Variants in CBX2 observed in about 807,000 individuals in gnomAD.
The protein encoded by CBX2 is chromobox protein homolog 2.
A neutral mutation model predicts 21.0 loss-of-function variants in CBX2; 11 were observed. The observed-to-expected ratio is 0.52, with a 90% confidence interval of 0.33 to 0.87. CBX2 has a LOEUF of 0.87. CBX2 is among the 40% of genes least tolerant of loss of function. The pLI is 0.02. For synonymous variants in CBX2, 364 were observed against 304.6 expected, an observed-to-expected ratio of 1.19 and a Z score of -2.03; for missense variants, 746 against 724.3, an observed-to-expected ratio of 1.03 and a Z score of -0.34.
rs1351815805 is a variant in CBX2 at position 79,786,747 on chromosome 17, T to C, written c.*1705T>C. The C allele has an allele frequency of 2.0e-5, 3 of 152,642 alleles. No homozygotes were observed. The highest frequency in any genetic ancestry group is 7.2e-5 in the African/African-American group (3 of 41,440). The allele number at this position is 152,642 out of a possible 1,614,324, so 9.5% of individuals were successfully genotyped here. A position where few individuals can be genotyped will look rare whatever the true frequency, so the allele number is the denominator to read the frequency against. On this transcript the variant is annotated 3_prime_UTR_variant, in exon 5 of 5. Transcript: ENST00000310942. The stretch of plus-strand genomic sequence containing the variant: ...CTATAGGGAGGCACTCCTGATTCCA[T>C]GGAGCAGCCCGGACTTTGAGAATGG...
At chr17:79,777,905 G>C (rs1367851711), upstream of CBX2, among the ~76,000 whole-genome samples, 17 of 148,576 alleles carry the variant, frequency 1.1e-4, no homozygotes, top group Non-Finnish European at 2.4e-4. Flanking sequence ...CCCCAGCCAG[G>C]GGCCCGCCCG....
intron 4 of CBX2, chr17:79,782,242 G>A (rs1555830579): frequency 1.3e-6 from 2 of 1,578,192 alleles, no homozygotes; most frequent in Non-Finnish European, 1.7e-6. Context: ...AAATCGAGGT[G>A]GCCACGAAAG....
In CBX2 at chr17:79,784,705, C is replaced by T. The variant is rs1555831326; in HGVS notation, c.1262C>T (p.Pro421Leu). 1.2e-6 allele frequency: 2 copies of T among 1,611,582 alleles called. No homozygotes were observed. Among genetic ancestry groups the T allele is most frequent in the Non-Finnish European group, 1.7e-6 (2 of 1,179,534 alleles). ...AAGCTGGCTTCCAGAGCAGTGGCGC[C>T]ACCCACCCCTGCCAGCAAGAGGGAC... ...SEKLASRAVA[P>L]PTPASKRDCV... Residue 421 changes from proline to leucine, a missense_variant, in exon 5 of 5, where the codon CCA (proline) becomes CTA (leucine). This residue lies in a region of CBX2 where 701 missense variants were observed against 650.7 expected (regional missense o/e 1.08). Coordinates refer to ENST00000310942, the MANE Select transcript of CBX2 (RefSeq NM_005189.3). This position sits in a 1 kb window ranked among gnomAD's most constrained non-coding sequence, Gnocchi z 5.9.
rs1906994515 is a variant in CBX2, at chr17:79,779,427, A to T, written c.182A>T (p.Lys61Met). The T allele has an allele frequency of 6.2e-7, 1 of 1,610,058 alleles. No homozygotes were observed. The highest frequency in any genetic ancestry group is 1.4e-5 in the African/African-American group (1 of 73,690). Reference protein sequence around the residue: ...DPRLLLAFQKKEHEKEVQNRK... With the variant: ...DPRLLLAFQKMEHEKEVQNRK... Reference sequence around the variant, plus strand: ...AGGCTGCTCCTGGCCTTCCAGAAGAAGTGAGGACGCTGACAGCACTGGGGA... The same window carrying T: ...AGGCTGCTCCTGGCCTTCCAGAAGATGTGAGGACGCTGACAGCACTGGGGA... The change falls in exon 3 of 5, where the codon AAG (lysine) becomes ATG (methionine). Residue 61 changes from lysine to methionine, a missense_variant and splice_region_variant. This residue lies in a region of CBX2 where 701 missense variants were observed against 650.7 expected (regional missense o/e 1.08). Coordinates refer to ENST00000310942, the MANE Select transcript of CBX2 (RefSeq NM_005189.3).
intron 4 of CBX2, among the ~76,000 whole-genome samples, chr17:79,783,410 C>CTTT (rs67444092): frequency 7.1e-6 from 1 of 140,644 alleles, no homozygotes; most frequent in Non-Finnish European, 1.6e-5. Context: ...TCTCCTTTAT[C>CTTT]TTTTTTTTTT....
chr17:79,783,224 T>G (rs1907365720), intron 4 of CBX2, among the ~76,000 whole-genome samples: 1 of 152,168 alleles, frequency 6.6e-6, no homozygotes, highest in South Asian at 2.1e-4. Context: ...TTTTTCTCTC[T>G]ATCTACCTTT....
At chr17:79,777,915 GCGCCCCCACCCCCGCCCC>G (rs1480167832), upstream of CBX2, among the ~76,000 whole-genome samples, 20 of 144,428 alleles carry the variant, frequency 1.4e-4, no homozygotes, top group African/African-American at 4.1e-4. Context: ...GGGCCCGCCC[GCGCCCCCACCCCCGCCCC>G]CGCCCCCGCC....
Position 79,778,759 on chromosome 17 carries a change from C to G in CBX2, c.116+332C>G, listed in dbSNP as rs1555829587. On this transcript the variant is annotated intron_variant, in intron 2 of 4. Coordinates refer to ENST00000310942, the MANE Select transcript of CBX2 (RefSeq NM_005189.3). The surrounding 1 kb of genome is among the most constrained non-coding windows in gnomAD (Gnocchi z 4.8). ...CCTCCTCTTGGCCAGATTCTCCCCG[C>G]TGTAACCTGAGCTTGCTATTGATGG... Among the ~76,000 whole-genome samples the G allele has an allele frequency of 6.6e-6, 1 of 152,118 alleles. No homozygotes were observed. The highest frequency in any genetic ancestry group is 1.9e-4 in the East Asian group (1 of 5,182).
chr17:79,779,296 G>A, intron 2 of CBX2, 66 bp from the exon 3 acceptor site: 1 of 1,515,376 alleles, frequency 6.6e-7, no homozygotes, highest in Non-Finnish European at 9.1e-7. Context: ...GAGCCCCCTC[G>A]GGCTGCCTTG....
At position 79,778,490 on chromosome 17, in the gene CBX2, C is replaced by A. The variant is rs1192757119; in HGVS notation, c.116+63C>A. On this transcript the variant is annotated intron_variant, in intron 2 of 4. Coordinates refer to ENST00000310942, the MANE Select transcript of CBX2 (RefSeq NM_005189.3). This position sits in a 1 kb window ranked among gnomAD's most constrained non-coding sequence, Gnocchi z 4.8. Reference sequence around the variant, plus strand: ...CTCGCCCGGGGGTGGGGACGTGGAGCCCCTCGGCCGCGCCGTCCGGTGGCC... The same window carrying A: ...CTCGCCCGGGGGTGGGGACGTGGAGACCCTCGGCCGCGCCGTCCGGTGGCC... The A allele has an allele frequency of 8.6e-6, 10 of 1,165,640 alleles. No homozygotes were observed. In the African/African-American group the frequency reaches 1.6e-4, roughly 19 times the overall value. 72.2% of individuals were successfully genotyped at this position (1,165,640 alleles called of 1,614,324 possible).
At position 79,787,589 on chromosome 17, in the gene CBX2, T is replaced by G. The variant is rs764358309; in HGVS notation, c.*2547T>G. On this transcript the variant is annotated 3_prime_UTR_variant, in exon 5 of 5. Coordinates refer to ENST00000310942, the MANE Select transcript of CBX2 (RefSeq NM_005189.3). The stretch of plus-strand genomic sequence containing the variant: ...ATTTTTATTTGCTGCTATTTGTGTG[T>G]GTGTTTGTGTTTGTGTAGCTAGGTA... The G allele has an allele frequency of 6.6e-6, 1 of 152,430 alleles. No homozygotes were observed. The highest frequency in any genetic ancestry group is 1.5e-5 in the Non-Finnish European group (1 of 68,030). 9.4% of individuals were successfully genotyped at this position (152,430 alleles called of 1,614,324 possible). A position where few individuals can be genotyped will look rare whatever the true frequency, so the allele number is the denominator to read the frequency against.
At chr17:79,782,301 G>C in intron 4 of CBX2, 1 of 1,519,266 alleles carries the variant, frequency 6.6e-7, no homozygotes, top group Non-Finnish European at 8.8e-7. Context: ...CCTTGGAGGA[G>C]GGCAGAGGCA....
chr17:79,783,410 CTTT>C (rs67444092), intron 4 of CBX2, among the ~76,000 whole-genome samples: 32 of 140,612 alleles, frequency 2.3e-4, no homozygotes, highest in South Asian at 9.0e-4. Flanking sequence ...TCTCCTTTAT[CTTT>C]TTTTTTTTTT....
At chr17:79,783,240 T>C (rs1907367293) in intron 4 of CBX2, among the ~76,000 whole-genome samples, 1 of 152,158 alleles carries the variant, frequency 6.6e-6, no homozygotes, top group Non-Finnish European at 1.5e-5. Flanking sequence ...CCTTTAATTT[T>C]GCCTCTCATG....
At chr17:79,779,304 T>G (rs2145820950) in intron 2 of CBX2, 58 bp from the exon 3 acceptor site, 1 of 1,570,114 alleles carries the variant, frequency 6.4e-7, no homozygotes, top group Admixed American at 1.8e-5. Flanking sequence ...TCGGGCTGCC[T>G]TGCAAAGCGG....
Position 79,784,603 on chromosome 17 carries a change from C to T in CBX2, c.1160C>T (p.Ala387Val), listed in dbSNP as rs368101739. The T allele has an allele frequency of 6.2e-7, 1 of 1,612,620 alleles. No homozygotes were observed. Residue 387 changes from alanine to valine, a missense_variant, in exon 5 of 5, where the codon GCC becomes GTC. Physicochemically the swap from Ala to Val is moderately conservative, Grantham distance 64. Coordinates refer to ENST00000310942, the MANE Select transcript of CBX2 (RefSeq NM_005189.3). The surrounding 1 kb of genome is among the most constrained non-coding windows in gnomAD (Gnocchi z 5.9). ...AAGGGTGTCCCGGCCACCAACCCAG[C>T]CCCTGGGAAGGGCACTGGGAGTGGC... ...ATKGVPATNP[A>V]PGKGTGSGLI... is the part of the protein sequence containing the mutation.
chr17:79,784,653 A>T lies in CBX2; in HGVS notation c.1210A>T (p.Met404Leu), dbSNP rs371067953. 4.4e-4 allele frequency: 705 copies of T among 1,612,260 alleles called. 1 individual carries two copies. The highest frequency in any genetic ancestry group is 9.1e-4 in the South Asian group (83 of 91,046). ...SGLIGASGAT[M>L]PTDTSKSEKL... Reference sequence around the variant, plus strand: ...CCTCATTGGGGCCAGCGGGGCCACCATGCCCACCGACACAAGCAAAAGTGA... The same window carrying T: ...CCTCATTGGGGCCAGCGGGGCCACCTTGCCCACCGACACAAGCAAAAGTGA... The change falls in exon 5 of 5, where the codon ATG becomes TTG. Residue 404 changes from methionine to leucine, a missense_variant. By Grantham distance (15) the Met-to-Leu change is conservative (BLOSUM62 2). This residue lies in a region of CBX2 where 701 missense variants were observed against 650.7 expected (regional missense o/e 1.08). Transcript: ENST00000310942. The surrounding 1 kb of genome is among the most constrained non-coding windows in gnomAD (Gnocchi z 5.9).
At position 79,784,979 on chromosome 17, in the gene CBX2, C is replaced by T. The variant is rs2145830711; in HGVS notation, c.1536C>T (p.Leu512=). Residue 512 remains leucine, a synonymous_variant, in exon 5 of 5, where the codon CTC becomes CTT. Coordinates refer to ENST00000310942, the MANE Select transcript of CBX2 (RefSeq NM_005189.3). This position sits in a 1 kb window ranked among gnomAD's most constrained non-coding sequence, Gnocchi z 5.9. ...TTGTCACCGACGTCACTGCCAACCT[C>T]ATCACCGTCACAGTGAAGGAGTCTC... The part of the protein sequence containing the change: ...HVFVTDVTAN[L]ITVTVKESPT... 6 of 1,607,974 alleles carry T rather than the reference C, an allele frequency of 3.7e-6. No individual in the cohort carries two copies. Among genetic ancestry groups the T allele is most frequent in the African/African-American group, 1.3e-5 (1 of 75,070 alleles).
chr17:79,779,532 G>C (rs981542428), intron 3 of CBX2, 105 bp downstream of exon 3: 1 of 992,984 alleles, frequency 1.0e-6, no homozygotes, highest in Non-Finnish European at 1.6e-6. Context: ...CTGGGGCTGT[G>C]GTCTGAGGTC....
Sources: allele counts gnomAD v4.1 joint callset (sites outside exome capture counted in the v4.1 genomes callset), GRCh38; gene constraint gnomAD v4.1.1; regional missense constraint gnomAD v4.1.1; non-coding constraint Gnocchi (gnomAD v3.1); transcripts MANE v1.5; gene names NCBI Gene and HGNC (gene_info 2026-07-23, HGNC 2026-07-21).